The following TAPT1 variants were observed in gnomAD, a reference collection of about 807,000 sequenced individuals.
TAPT1 encodes transmembrane anterior posterior transformation 1.
A neutral mutation model predicts 65.6 loss-of-function variants in TAPT1; 28 were observed. That is an observed-to-expected ratio of 0.43 (90% CI 0.32 to 0.59). The LOEUF (loss-of-function observed/expected upper bound fraction) is 0.59. Ranked by LOEUF, TAPT1 falls within the 20% of genes least tolerant of loss-of-function variation. The pLI is 0.09. For missense variants in TAPT1, 563 were observed against 679.9 expected (o/e 0.83, Z 1.91); for synonymous variants, 278 against 245.2 (o/e 1.13, Z -1.25).
intron 1 of TAPT1, among the ~76,000 whole-genome samples, chr4:16,216,591 C>A (rs930019613): frequency 3.3e-5 from 5 of 152,196 alleles, no homozygotes; most frequent in Admixed American, 6.5e-5. Flanking sequence ...CCTGGCATTA[C>A]CAGTGACATA....
At chr4:16,211,549 GCTT>G (rs1411895075) in intron 2 of TAPT1, among the ~76,000 whole-genome samples, 5 of 152,114 alleles carry the variant, frequency 3.3e-5, no homozygotes, top group African/African-American at 1.2e-4. Context: ...AGGCTACAAA[GCTT>G]CTTAAGTATT....
At chr4:16,205,684 G>A (rs559356609) in intron 2 of TAPT1, among the ~76,000 whole-genome samples, 1 of 152,056 alleles carries the variant, frequency 6.6e-6, no homozygotes, top group African/African-American at 2.4e-5. Flanking sequence ...AGAGAAGACA[G>A]GCACTAGATT....
chr4:16,209,743 G>T (rs1192975595), intron 2 of TAPT1, among the ~76,000 whole-genome samples: 1 of 152,212 alleles, frequency 6.6e-6, no homozygotes, highest in Non-Finnish European at 1.5e-5. Flanking sequence ...AAAGGAATTG[G>T]AGCTTTAATA....
intron 2 of TAPT1, among the ~76,000 whole-genome samples, chr4:16,206,526 T>C (rs899741827): frequency 6.6e-6 from 1 of 151,612 alleles, no homozygotes; most frequent in African/African-American, 2.4e-5. Context: ...CAAGACTGAG[T>C]GTCACCTAAG....
In TAPT1 at chr4:16,199,477, T is replaced by C. The variant is rs528262805; in HGVS notation, c.449+2985A>G. Among the ~76,000 whole-genome samples the C allele has an allele frequency of 2.0e-5, 3 of 152,288 alleles. No individual in the cohort carries two copies. In the South Asian group the frequency reaches 6.2e-4, roughly 32 times the overall value. On this transcript the variant is annotated intron_variant, in intron 3 of 13. Coordinates refer to ENST00000405303, the MANE Select transcript of TAPT1 (RefSeq NM_153365.3). ...ATGCACTACAAAAAATCTTAAAATA[T>C]CTAAAAAAGGTTAGAGGTAGGGATC...
chr4:16,195,540 A>G (rs1186148039), intron 3 of TAPT1, among the ~76,000 whole-genome samples: 1 of 152,248 alleles, frequency 6.6e-6, no homozygotes, highest in African/African-American at 2.4e-5. Context: ...TTTCAACATA[A>G]GACATTTAAA....
intron 12 of TAPT1, 139 bp downstream of exon 12, chr4:16,170,514 T>C (rs1747924817): frequency 1.3e-5 from 7 of 520,366 alleles, no homozygotes; most frequent in Admixed American, 3.2e-5. Context: ...CACAAATAAA[T>C]ACACTTGGAG....
At chr4:16,179,380 T>C (rs969414452) in intron 8 of TAPT1, 197 bp downstream of exon 8, 71 of 447,656 alleles carry the variant, frequency 1.6e-4, no homozygotes, top group Admixed American at 1.3e-4. Flanking sequence ...TAGAATCTTA[T>C]GGGACCACCA....
chr4:16,210,369 T>C (rs1578473736), intron 2 of TAPT1, among the ~76,000 whole-genome samples: 1 of 152,284 alleles, frequency 6.6e-6, no homozygotes. Context: ...CCTCTCCCAA[T>C]CACCTCCTGC....
Position 16,176,053 on chromosome 4 carries a change from A to G in TAPT1, c.1107+66T>C, listed in dbSNP as rs556573645. Reference sequence around the variant, plus strand: ...AGTATTAACAAACTCCTATTATTCTACAACTTTTAAAAATTAAGCAACAGA... The same window carrying G: ...AGTATTAACAAACTCCTATTATTCTGCAACTTTTAAAAATTAAGCAACAGA... On this transcript the variant is annotated intron_variant, in intron 9 of 13. Coordinates refer to ENST00000405303, the MANE Select transcript of TAPT1 (RefSeq NM_153365.3). 6.6e-5 allele frequency: 51 copies of G among 770,184 alleles called. No homozygotes were observed. In the African/African-American group the frequency reaches 7.9e-4, roughly 12 times the overall value. 47.7% of individuals were successfully genotyped at this position (770,184 alleles called of 1,614,324 possible).
chr4:16,167,033 C>T (rs1278265973), intron 12 of TAPT1, among the ~76,000 whole-genome samples: 1 of 127,490 alleles, frequency 7.8e-6, no homozygotes, highest in East Asian at 2.3e-4. Flanking sequence ...CTCACTCTGT[C>T]ACCCAGGCTG....
chr4:16,219,301 G>A (rs1298138945), intron 1 of TAPT1, among the ~76,000 whole-genome samples: 1 of 150,550 alleles, frequency 6.6e-6, no homozygotes, highest in African/African-American at 2.5e-5. Flanking sequence ...GTTACTTCTG[G>A]AAAATTAGGA....
At chr4:16,203,199 G>A (rs1000587813) in intron 2 of TAPT1, among the ~76,000 whole-genome samples, 1 of 152,074 alleles carries the variant, frequency 6.6e-6, no homozygotes, top group Non-Finnish European at 1.5e-5. Context: ...GAAGTCTTTC[G>A]AGGACTTGGC....
chr4:16,223,588 G>A (rs4235382), intron 1 of TAPT1, among the ~76,000 whole-genome samples: 8 of 151,982 alleles, frequency 5.3e-5, no homozygotes, highest in African/African-American at 1.9e-4. Flanking sequence ...TGAGACATGC[G>A]TCAGCCTATT....
chr4:16,225,987 A>C, intron 1 of TAPT1: 3 of 996,900 alleles, frequency 3.0e-6, no homozygotes, highest in Non-Finnish European at 3.6e-6. Flanking sequence ...GGACCCGGAC[A>C]GAACTTTCCC....
chr4:16,227,253 ACT>A, upstream of TAPT1: 1 of 455,320 alleles, frequency 2.2e-6, no homozygotes, highest in Non-Finnish European at 4.4e-6. Context: ...GACTTTCCAC[ACT>A]GTCTTTCGGG....
At chr4:16,174,616 AATTTC>A (rs1748210153) in intron 10 of TAPT1, 49 bp downstream of exon 10, 2 of 1,437,922 alleles carry the variant, frequency 1.4e-6, no homozygotes, top group Non-Finnish European at 1.9e-6. Flanking sequence ...TTATTCAGTT[AATTTC>A]AGACTATGCC....
chr4:16,204,093 C>T (rs1054834549), intron 2 of TAPT1, among the ~76,000 whole-genome samples: 1 of 152,184 alleles, frequency 6.6e-6, no homozygotes, highest in Non-Finnish European at 1.5e-5. Context: ...AGTTCATGGT[C>T]CTTTTCTATT....
At chr4:16,172,045 G>A (rs981495429) in intron 11 of TAPT1, among the ~76,000 whole-genome samples, 6 of 152,070 alleles carry the variant, frequency 3.9e-5, no homozygotes, top group Admixed American at 6.6e-5. Context: ...TGTGGCACAC[G>A]ACGAAGCTCT....
Sources: gnomAD v4.1 joint callset for allele counts (sites outside exome capture counted in the v4.1 genomes callset) on GRCh38, gnomAD v4.1.1 for gene constraint, MANE v1.5 for transcripts, NCBI Gene and HGNC (gene_info 2026-07-23, HGNC 2026-07-21) for gene names.